The following KIF26B variants were observed in gnomAD, a reference collection of about 807,000 sequenced individuals.
KIF26B encodes kinesin-like protein KIF26B.
KIF26B carries 63 observed loss-of-function variants against 151.2 expected under a neutral mutation model. The observed-to-expected ratio is 0.42, with a 90% CI of 0.34 to 0.51. The LOEUF (loss-of-function observed/expected upper bound fraction) is 0.51. KIF26B is among the 20% of genes least tolerant of loss of function. The probability of loss-of-function intolerance (pLI) is 0.07; values close to 1 mark genes in which losing one functional copy is unlikely to be tolerated. For missense variants in KIF26B, 2,813 were observed against 2,913.6 expected (o/e 0.97, Z 0.79); for synonymous variants, 1,357 against 1,262.1 (o/e 1.08, Z -1.59).
At chr1:245,616,424 G>A (rs562785086) in intron 9 of KIF26B, among the ~76,000 whole-genome samples, 3 of 152,312 alleles carry the variant, frequency 2.0e-5, no homozygotes, top group South Asian at 2.1e-4. Flanking sequence ...ATAACGACGC[G>A]TGTACTGGGC....
At chr1:245,612,335 A>C (rs1218271280) in intron 9 of KIF26B, among the ~76,000 whole-genome samples, 1 of 151,616 alleles carries the variant, frequency 6.6e-6, no homozygotes, top group Non-Finnish European at 1.5e-5. Flanking sequence ...CTGGTCTAGA[A>C]CTCCCGGTCT....
rs537310398 is a variant in KIF26B at position 245,354,651 on chromosome 1, G to A, written c.466-12183G>A. Among the ~76,000 whole-genome samples, 11 of 152,336 alleles carry A rather than the reference G, an allele frequency of 7.2e-5. No homozygotes were observed. In the South Asian group the frequency reaches 1.2e-3, roughly 17 times the overall value. On this transcript the variant is annotated intron_variant, in intron 2 of 14. Transcript: ENST00000407071. ...CAGGGGCACTGTGTCCACCTTGGGC[G>A]TGGCCATACACAGCCACCACTTCTA...
rs140633055 is a variant in KIF26B at position 245,352,793 on chromosome 1, C to T, written c.466-14041C>T. Among the ~76,000 whole-genome samples, 15 of 152,002 alleles carry T rather than the reference C, an allele frequency of 9.9e-5. No homozygotes were observed. The highest frequency in any genetic ancestry group is 2.1e-4 in the Non-Finnish European group (14 of 68,024). ...TACTAGTACGGGTTCCCCAACCCCACGACTAGAACTATCTTAGTGGTTTCT... is the reference window on the plus strand; with the variant it reads ...TACTAGTACGGGTTCCCCAACCCCATGACTAGAACTATCTTAGTGGTTTCT... On this transcript the variant is annotated intron_variant, in intron 2 of 14. Coordinates refer to ENST00000407071, the MANE Select transcript of KIF26B (RefSeq NM_018012.4). The surrounding 1 kb of genome is among the most constrained non-coding windows in gnomAD (Gnocchi z 5.0).
rs1572151079 is a variant in KIF26B at position 245,601,545 on chromosome 1, T to C, written c.1351-1032T>C. 6.6e-6 allele frequency among the ~76,000 whole-genome samples: 1 copy of C among 152,212 alleles called. No individual in the cohort carries two copies. The highest frequency in any genetic ancestry group is 2.4e-5 in the African/African-American group (1 of 41,450). On this transcript the variant is annotated intron_variant, in intron 5 of 14. Coordinates refer to ENST00000407071, the MANE Select transcript of KIF26B (RefSeq NM_018012.4). This position sits in a 1 kb window ranked among gnomAD's most constrained non-coding sequence, Gnocchi z 4.4. ...GGAATTTAGAAATAATCCTTGTGCA[T>C]ACCTTCCGAAGTTGCCACATATTAC... is the stretch of plus-strand genomic sequence containing the variant.
intron 12 of KIF26B, among the ~76,000 whole-genome samples, chr1:245,690,335 C>T (rs1357552943): frequency 6.6e-6 from 1 of 152,196 alleles, no homozygotes; most frequent in Non-Finnish European, 1.5e-5. Flanking sequence ...TCTCAGAAGC[C>T]AGGTCCCTGC....
rs766610515 is a variant in KIF26B at position 245,531,730 on chromosome 1, C to T, written c.1167-9037C>T. Among the ~76,000 whole-genome samples, 5 of 152,026 alleles carry T rather than the reference C, an allele frequency of 3.3e-5. No homozygotes were observed. The South Asian group carries it at 6.2e-4, about 19-fold the overall frequency. ...TAAGTGAACAGTGCAGTGATGGTGGCGAGGCAGAAGCAAAAGGCCACATGG... is the reference window on the plus strand; with the variant it reads ...TAAGTGAACAGTGCAGTGATGGTGGTGAGGCAGAAGCAAAAGGCCACATGG... On this transcript the variant is annotated intron_variant, in intron 4 of 14. Transcript: ENST00000407071.
At chr1:245,422,915 A>G (rs765277854) in intron 4 of KIF26B, among the ~76,000 whole-genome samples, 1 of 152,142 alleles carries the variant, frequency 6.6e-6, no homozygotes, top group African/African-American at 2.4e-5. Flanking sequence ...CCTGGCCAAC[A>G]TGGTGAGACC....
At chr1:245,198,891 G>T (rs1212310540) in intron 2 of KIF26B, among the ~76,000 whole-genome samples, 1 of 149,750 alleles carries the variant, frequency 6.7e-6, no homozygotes, top group Non-Finnish European at 1.5e-5. Flanking sequence ...AGACCGGGGG[G>T]TCAGGAAGGC....
intron 4 of KIF26B, among the ~76,000 whole-genome samples, chr1:245,493,012 C>T (rs1660440708): frequency 6.6e-6 from 1 of 152,128 alleles, no homozygotes; most frequent in Admixed American, 6.5e-5. Flanking sequence ...ATCTCCTGAC[C>T]TCGTCATCCA....
At chr1:245,429,645 G>T (rs1414214431) in intron 4 of KIF26B, among the ~76,000 whole-genome samples, 2 of 152,088 alleles carry the variant, frequency 1.3e-5, no homozygotes, top group African/African-American at 4.8e-5. Context: ...TTGCAGTCTC[G>T]CTCTGTCTCC....
At chr1:245,256,391 G>C (rs949747700) in intron 2 of KIF26B, among the ~76,000 whole-genome samples, 1 of 152,158 alleles carries the variant, frequency 6.6e-6, no homozygotes, top group African/African-American at 2.4e-5. Flanking sequence ...GATTTAGAAG[G>C]GACCTTCATC....
At chr1:245,225,875 G>A (rs1362594980) in intron 2 of KIF26B, 2 of 152,208 alleles carry the variant, frequency 1.3e-5, no homozygotes, top group Non-Finnish European at 2.9e-5. Context: ...ATTTGTGAGT[G>A]AAATCTGAAC....
chr1:245,209,830 C>T (rs889536235), intron 2 of KIF26B, among the ~76,000 whole-genome samples: 4 of 152,206 alleles, frequency 2.6e-5, no homozygotes, highest in African/African-American at 7.2e-5. Context: ...TTGTGGGTGG[C>T]CATGCTTTCC....
At chr1:245,650,431 C>T (rs1321553365) in intron 10 of KIF26B, among the ~76,000 whole-genome samples, 1 of 152,354 alleles carries the variant, frequency 6.6e-6, no homozygotes, top group Middle Eastern at 3.4e-3. Flanking sequence ...AAGGATCTGT[C>T]AGGGTGAACT....
At chr1:245,679,874 C>T (rs1356270435) in intron 10 of KIF26B, among the ~76,000 whole-genome samples, 4 of 152,118 alleles carry the variant, frequency 2.6e-5, no homozygotes, top group Non-Finnish European at 2.9e-5. Context: ...CTCAGGCCCC[C>T]GTCAGCTCTG....
intron 2 of KIF26B, among the ~76,000 whole-genome samples, chr1:245,199,635 T>C (rs1326236803): frequency 2.6e-5 from 4 of 152,128 alleles, no homozygotes; most frequent in Non-Finnish European, 5.9e-5. Flanking sequence ...TGCGCCACCA[T>C]GCCCGGCCAA....
chr1:245,303,250 G>A (rs1193343356), intron 2 of KIF26B, among the ~76,000 whole-genome samples: 1 of 144,256 alleles, frequency 6.9e-6, no homozygotes, highest in Non-Finnish European at 1.5e-5. Context: ...CCAGGCCGGA[G>A]TGCAGTGGCG....
rs1228258180 is a variant in KIF26B at position 245,560,707 on chromosome 1, A to C, written c.1350+19757A>C. On this transcript the variant is annotated intron_variant, in intron 5 of 14. Transcript: ENST00000407071. The surrounding 1 kb of genome is among the most constrained non-coding windows in gnomAD (Gnocchi z 4.3). ...GTCTCTCCCCTCTCACGGAAGCCTG[A>C]CATGTAAATCTCAAGTTGTTAAACC... 6.6e-6 allele frequency among the ~76,000 whole-genome samples: 1 copy of C among 152,140 alleles called. No homozygotes were observed. The highest frequency in any genetic ancestry group is 1.5e-5 in the Non-Finnish European group (1 of 68,008).
chr1:245,436,833 T>A (rs1318104262), intron 4 of KIF26B, among the ~76,000 whole-genome samples: 1 of 152,070 alleles, frequency 6.6e-6, no homozygotes, highest in African/African-American at 2.4e-5. Flanking sequence ...CAAGTGCATA[T>A]TGAGACTGGC....
Sources: gnomAD v4.1 joint callset for allele counts (sites outside exome capture counted in the v4.1 genomes callset) on GRCh38, gnomAD v4.1.1 for gene constraint, Gnocchi (gnomAD v3.1) non-coding constraint, MANE v1.5 for transcripts, NCBI Gene and HGNC (gene_info 2026-07-23, HGNC 2026-07-21) for gene names.